ARFGEF3: variants seen among roughly 807,000 people sequenced by gnomAD.
ARFGEF3 encodes the protein ARFGEF family member 3, also known as brefeldin A-inhibited guanine nucleotide-exchange protein 3.
ARFGEF3 carries 96 observed loss-of-function variants against 221.7 expected under a neutral mutation model. The ratio of observed to expected loss-of-function variants is 0.43; its 90% CI spans 0.37 to 0.51. The LOEUF (loss-of-function observed/expected upper bound fraction) is 0.51. ARFGEF3 is among the 20% of genes least tolerant of loss of function. The pLI, the probability that ARFGEF3 is intolerant of heterozygous loss-of-function variation, is 0.00. For missense variants in ARFGEF3, 2,410 were observed against 2,789.9 expected, an observed-to-expected ratio of 0.86 and a Z score of 3.07; for synonymous variants, 1,145 against 1,126.8, an observed-to-expected ratio of 1.02 and a Z score of -0.32.
chr6:138,214,426 T>G (rs1777795595), intron 4 of ARFGEF3, among the ~76,000 whole-genome samples: 1 of 152,216 alleles, frequency 6.6e-6, no homozygotes, highest in South Asian at 2.1e-4. Flanking sequence ...ATGGTGGACA[T>G]CTTCAAATGT....
intron 2 of ARFGEF3, among the ~76,000 whole-genome samples, chr6:138,200,038 A>G (rs1414291927): frequency 6.6e-6 from 1 of 152,146 alleles, no homozygotes; most frequent in Non-Finnish European, 1.5e-5. Context: ...TTATTACATT[A>G]AGGTATGTCC....
intron 9 of ARFGEF3, 27 bp downstream of exon 9, chr6:138,254,011 C>T (rs771164233): frequency 9.5e-6 from 14 of 1,470,882 alleles, no homozygotes; most frequent in South Asian, 2.6e-5. Context: ...GACGCCCCGA[C>T]GCTGATGCCA....
chr6:138,239,300 T>C (rs1778349579), intron 6 of ARFGEF3, among the ~76,000 whole-genome samples: 1 of 152,200 alleles, frequency 6.6e-6, no homozygotes, highest in African/African-American at 2.4e-5. Context: ...TAAAATCCTT[T>C]TGAAATCTGC....
At position 138,341,953 on chromosome 6, in the gene ARFGEF3, G is replaced by A. The variant is rs1583076968; in HGVS notation, c.*5467G>A. The stretch of plus-strand genomic sequence containing the variant: ...TGTATCTTTGTACAATACTACAAAG[G>A]GGTACCAGGGAGGAGAGAGTGGCTG... On this transcript the variant is annotated 3_prime_UTR_variant, in exon 34 of 34. Transcript: ENST00000251691. The A allele has an allele frequency of 6.6e-6, 1 of 152,142 alleles. No homozygotes were observed. Among genetic ancestry groups the A allele is most frequent in the Non-Finnish European group, 1.5e-5 (1 of 68,052 alleles). 9.4% of individuals were successfully genotyped at this position (152,142 alleles called of 1,614,324 possible).
At chr6:138,177,242 C>T (rs1269850997) in intron 2 of ARFGEF3, among the ~76,000 whole-genome samples, 1 of 151,598 alleles carries the variant, frequency 6.6e-6, no homozygotes, top group Non-Finnish European at 1.5e-5. Flanking sequence ...GCATATGTCA[C>T]CACACCCAGC....
chr6:138,317,121 T>A lies in ARFGEF3; in HGVS notation c.4346-130T>A. ...GTTCATGTCTATGGCCACTGAAGGC[T>A]AACAACACTGGGTGATGGCTCACGT... On this transcript the variant is annotated intron_variant, in intron 26 of 33. Coordinates refer to ENST00000251691, the MANE Select transcript of ARFGEF3 (RefSeq NM_020340.5). 3.3e-6 allele frequency: 3 copies of A among 915,358 alleles called. No homozygotes were observed. In the South Asian group the frequency reaches 5.6e-5, roughly 17 times the overall value. 56.7% of individuals were successfully genotyped at this position (915,358 alleles called of 1,614,324 possible). A position where few individuals can be genotyped will look rare whatever the true frequency, so the allele number is the denominator to read the frequency against.
chr6:138,303,939 T>G (rs1289103348), intron 22 of ARFGEF3, among the ~76,000 whole-genome samples: 1 of 147,664 alleles, frequency 6.8e-6, no homozygotes, highest in Non-Finnish European at 1.5e-5. Flanking sequence ...GGAACCTTCA[T>G]GCCCTACTGG....
chr6:138,287,042 A>G, intron 16 of ARFGEF3, 32 bp from the exon 17 acceptor site: 1 of 1,558,650 alleles, frequency 6.4e-7, no homozygotes, highest in Non-Finnish European at 8.7e-7. Flanking sequence ...GGATATACTC[A>G]GTCAAGAAGT....
At chr6:138,257,789 A>G (rs1182245201) in intron 10 of ARFGEF3, among the ~76,000 whole-genome samples, 2 of 152,208 alleles carry the variant, frequency 1.3e-5, no homozygotes, top group Admixed American at 1.3e-4. Flanking sequence ...TTTGTGATAT[A>G]GGTAAATCAT....
intron 7 of ARFGEF3, among the ~76,000 whole-genome samples, chr6:138,243,588 T>C (rs1349627671): frequency 6.6e-6 from 1 of 152,224 alleles, no homozygotes; most frequent in Admixed American, 6.5e-5. Context: ...TCTGAAAGTA[T>C]GCAAAAATAT....
At chr6:138,220,078 A>T (rs1398613545) in intron 4 of ARFGEF3, among the ~76,000 whole-genome samples, 1 of 152,042 alleles carries the variant, frequency 6.6e-6, no homozygotes, top group Non-Finnish European at 1.5e-5. Context: ...TGATGCAATC[A>T]CGCAATCACA....
intron 12 of ARFGEF3, among the ~76,000 whole-genome samples, chr6:138,267,716 C>T (rs527752759): frequency 1.9e-3 from 295 of 152,284 alleles, no homozygotes; most frequent in African/African-American, 6.8e-3. Flanking sequence ...ACATGCAAAA[C>T]AGGGCTTGTG....
chr6:138,283,239 G>A (rs1456678512), intron 14 of ARFGEF3, among the ~76,000 whole-genome samples: 1 of 152,204 alleles, frequency 6.6e-6, no homozygotes, highest in African/African-American at 2.4e-5. Flanking sequence ...GCTTTCATTT[G>A]AGAAGACCAT....
At chr6:138,312,133 G>A (rs1302087407) in intron 25 of ARFGEF3, among the ~76,000 whole-genome samples, 2 of 152,058 alleles carry the variant, frequency 1.3e-5, no homozygotes, top group Admixed American at 1.3e-4. Context: ...TCCGGCCTGG[G>A]TGACAGAGCA....
Position 138,313,778 on chromosome 6 carries a change from TTTTTA to T in ARFGEF3, c.4201-11_4201-7del. 4 of 1,609,076 alleles carry T rather than the reference TTTTTA, an allele frequency of 2.5e-6. No homozygotes were observed. Among genetic ancestry groups the T allele is most frequent in the Non-Finnish European group, 3.4e-6 (4 of 1,175,950 alleles). ...TTCCAACATATAATTGCAGTTTGTC[TTTTTA>T]TTTTAATTTAGTTATTGGCCAAAAT... On this transcript the variant is annotated splice_polypyrimidine_tract_variant and intron_variant, in intron 25 of 33. Coordinates refer to ENST00000251691, the MANE Select transcript of ARFGEF3 (RefSeq NM_020340.5).
intron 4 of ARFGEF3, among the ~76,000 whole-genome samples, chr6:138,221,472 T>C (rs1777981639): frequency 6.6e-6 from 1 of 152,200 alleles, no homozygotes. Context: ...TATTTATTTG[T>C]GATGTTTAGA....
intron 20 of ARFGEF3, among the ~76,000 whole-genome samples, chr6:138,294,881 T>G (rs17067357): frequency 6.6e-6 from 1 of 152,182 alleles, no homozygotes. Context: ...TTGGACTGCA[T>G]AACCTCTGAG....
intron 25 of ARFGEF3, among the ~76,000 whole-genome samples, chr6:138,312,831 T>A (rs1264930583): frequency 6.6e-6 from 1 of 152,160 alleles, no homozygotes; most frequent in African/African-American, 2.4e-5. Context: ...TGCTTCAGCC[T>A]CCCGAGTAGC....
intron 29 of ARFGEF3, among the ~76,000 whole-genome samples, 162 bp downstream of exon 29, chr6:138,321,387 G>A (rs754396008): frequency 3.3e-5 from 5 of 152,194 alleles, no homozygotes; most frequent in Non-Finnish European, 7.4e-5. Flanking sequence ...TCATTTCAGT[G>A]TTCAGTCAGC....
Sources: gnomAD v4.1 joint callset for allele counts (sites outside exome capture counted in the v4.1 genomes callset) on GRCh38, gnomAD v4.1.1 for gene constraint, MANE v1.5 for transcripts, NCBI Gene and HGNC (gene_info 2026-07-23, HGNC 2026-07-21) for gene names.